The following ARHGEF4 variants were observed in gnomAD, a reference collection of about 807,000 sequenced individuals.
ARHGEF4 encodes APC-stimulated guanine nucleotide exchange factor 1.
In ARHGEF4, 119 loss-of-function variants were observed where a neutral mutation model predicts 162.0. The ratio of observed to expected loss-of-function variants is 0.73; its 90% CI spans 0.63 to 0.86. The LOEUF (loss-of-function observed/expected upper bound fraction) is 0.86. Ranked by LOEUF, ARHGEF4 falls within the 40% of genes least tolerant of loss-of-function variation. The pLI is 0.00. For synonymous variants in ARHGEF4, 1,014 were observed against 979.9 expected (o/e 1.03, Z -0.65); for missense variants, 2,488 against 2,456.0 (o/e 1.01, Z -0.28).
chr2:130,970,024 G>A (rs549425414), intron 4 of ARHGEF4, among the ~76,000 whole-genome samples: 1 of 152,252 alleles, frequency 6.6e-6, no homozygotes, highest in East Asian at 1.9e-4. Flanking sequence ...ATCACAGTTT[G>A]TCAACCATTC....
At chr2:130,918,797 CTACGCAGTTAAACACTAAAGGTTTTTTGT>C (rs1295605325) in intron 2 of ARHGEF4, among the ~76,000 whole-genome samples, 4 of 152,224 alleles carry the variant, frequency 2.6e-5, no homozygotes, top group Admixed American at 6.5e-5. Context: ...TTGTGTATCT[CTACGCAGTTAAACACTAAAGGTTTTTTGT>C]TGTTTTGGGG....
intron 1 of ARHGEF4, among the ~76,000 whole-genome samples, chr2:130,845,428 G>A (rs947808273): frequency 1.3e-5 from 2 of 151,690 alleles, no homozygotes; most frequent in African/African-American, 4.8e-5. Flanking sequence ...GAGGATCATG[G>A]GAGCCCAGTA....
chr2:130,956,051 G>A lies in ARHGEF4; in HGVS notation c.3985+9416G>A, dbSNP rs556300182. ...GTGGAGCCCTTGGGGAGGGAGAGCA[G>A]TAGCCTAATGTCCTCTCAGCTTGCC... On this transcript the variant is annotated intron_variant, in intron 4 of 13. Transcript: ENST00000409359. Among the ~76,000 whole-genome samples the A allele has an allele frequency of 1.3e-5, 2 of 152,352 alleles. 1 individual carries two copies. The highest frequency in any genetic ancestry group is 4.8e-5 in the African/African-American group (2 of 41,584).
chr2:131,007,473 C>T (rs965607547), intron 4 of ARHGEF4, among the ~76,000 whole-genome samples: 3 of 152,050 alleles, frequency 2.0e-5, no homozygotes, highest in Non-Finnish European at 2.9e-5. Flanking sequence ...TTTATTCATT[C>T]TTCACAGATA....
chr2:131,024,984 C>T (rs1689384598), intron 4 of ARHGEF4, among the ~76,000 whole-genome samples: 1 of 151,984 alleles, frequency 6.6e-6, no homozygotes, highest in Non-Finnish European at 1.5e-5. Context: ...TAGCAGAAGG[C>T]CCTTGGCTCC....
At chr2:130,838,501 G>C (rs1208799120) in intron 1 of ARHGEF4, among the ~76,000 whole-genome samples, 1 of 152,176 alleles carries the variant, frequency 6.6e-6, no homozygotes, top group African/African-American at 2.4e-5. Flanking sequence ...AGCTACTTGG[G>C]AGTCTGAGGC....
At chr2:130,967,817 A>G (rs1558782620) in intron 4 of ARHGEF4, among the ~76,000 whole-genome samples, 1 of 152,260 alleles carries the variant, frequency 6.6e-6, no homozygotes. Flanking sequence ...GTTAGGGTAC[A>G]GACTGAAGTC....
At chr2:130,931,462 C>T (rs1682628975) in intron 3 of ARHGEF4, among the ~76,000 whole-genome samples, 2 of 152,146 alleles carry the variant, frequency 1.3e-5, no homozygotes, top group Non-Finnish European at 1.5e-5. Flanking sequence ...GCAGTGCATT[C>T]CCCAGAGCCA....
At chr2:130,888,465 C>T (rs987934952) in intron 1 of ARHGEF4, among the ~76,000 whole-genome samples, 1 of 150,600 alleles carries the variant, frequency 6.6e-6, no homozygotes, top group Non-Finnish European at 1.5e-5. Context: ...AGACTCTGTC[C>T]CAAAAAAAAA....
At chr2:131,023,780 ACTTATGTT>A (rs1458144443) in intron 4 of ARHGEF4, among the ~76,000 whole-genome samples, 1 of 152,216 alleles carries the variant, frequency 6.6e-6, no homozygotes, top group Non-Finnish European at 1.5e-5. Flanking sequence ...AGAAATGAAA[ACTTATGTT>A]CACACAAACC....
intron 1 of ARHGEF4, among the ~76,000 whole-genome samples, chr2:130,864,210 AAAAAG>A (rs201188659): frequency 0.014 from 2,128 of 151,866 alleles, 53 homozygotes; most frequent in African/African-American, 0.049. Flanking sequence ...AGAAAAAAAA[AAAAAG>A]GAGTGAGTTA....
chr2:130,951,492 G>T (rs1347109244), intron 4 of ARHGEF4, among the ~76,000 whole-genome samples: 1 of 152,190 alleles, frequency 6.6e-6, no homozygotes, highest in Non-Finnish European at 1.5e-5. Flanking sequence ...TGGATGGTCG[G>T]TGGAGCAGTT....
intron 1 of ARHGEF4, among the ~76,000 whole-genome samples, chr2:130,853,253 G>T (rs1210473923): frequency 6.6e-6 from 1 of 152,182 alleles, no homozygotes; most frequent in Non-Finnish European, 1.5e-5. Flanking sequence ...GGATCCTGAT[G>T]GTAGAAAATT....
intron 1 of ARHGEF4, among the ~76,000 whole-genome samples, chr2:130,882,225 C>T (rs1237659974): frequency 6.6e-6 from 1 of 152,124 alleles, no homozygotes; most frequent in Admixed American, 6.5e-5. Context: ...ATTTAGGAAG[C>T]AACAGGTGTG....
chr2:130,843,857 T>C (rs1680767389), intron 1 of ARHGEF4, among the ~76,000 whole-genome samples: 1 of 152,184 alleles, frequency 6.6e-6, no homozygotes, highest in Non-Finnish European at 1.5e-5. Flanking sequence ...GGGCCCTGAA[T>C]CCAGAGGGCC....
At chr2:130,899,147 C>A (rs942757614) in intron 1 of ARHGEF4, among the ~76,000 whole-genome samples, 2 of 152,128 alleles carry the variant, frequency 1.3e-5, no homozygotes, top group African/African-American at 4.8e-5. Context: ...AGCCAGGGTA[C>A]TCTCTTTATT....
chr2:130,842,601 C>T (rs746789384), intron 1 of ARHGEF4, among the ~76,000 whole-genome samples: 1 of 152,204 alleles, frequency 6.6e-6, no homozygotes, highest in Non-Finnish European at 1.5e-5. Context: ...CCACAAAGCA[C>T]CCAGTAGTCA....
chr2:131,036,419 C>A (rs1395227373), intron 5 of ARHGEF4, among the ~76,000 whole-genome samples: 1 of 152,214 alleles, frequency 6.6e-6, no homozygotes, highest in African/African-American at 2.4e-5. Context: ...CAGGGTGCGA[C>A]AAAGGCAATT....
At chr2:130,961,162 C>T (rs1281194077) in intron 4 of ARHGEF4, among the ~76,000 whole-genome samples, 2 of 152,232 alleles carry the variant, frequency 1.3e-5, no homozygotes, top group Non-Finnish European at 2.9e-5. Flanking sequence ...CATTCCTCCA[C>T]GGGCTGCTTG....
Sources: allele counts gnomAD v4.1 joint callset (sites outside exome capture counted in the v4.1 genomes callset), GRCh38; gene constraint gnomAD v4.1.1; transcripts MANE v1.5; gene names NCBI Gene and HGNC (gene_info 2026-07-23, HGNC 2026-07-21).